The following SHISA6 variants were observed in gnomAD, a reference collection of about 807,000 sequenced individuals.
The protein encoded by SHISA6 is protein shisa-6.
A neutral mutation model predicts 47.9 loss-of-function variants in SHISA6; 22 were observed. The ratio of observed to expected loss-of-function variants is 0.46; its 90% CI spans 0.33 to 0.66. SHISA6 has a LOEUF of 0.66. Among genes scored for constraint, SHISA6 ranks in the 30% least tolerant of loss-of-function variants. SHISA6 has a pLI of 0.02. For missense variants in SHISA6, 680 were observed against 764.6 expected (o/e 0.89, Z 1.30); for synonymous variants, 388 against 337.8 (o/e 1.15, Z -1.63).
chr17:11,336,259 T>C (rs1447074253), intron 2 of SHISA6, among the ~76,000 whole-genome samples: 1 of 152,110 alleles, frequency 6.6e-6, no homozygotes, highest in Non-Finnish European at 1.5e-5. Context: ...AAATGTTAGC[T>C]AAGTCCATAA....
At chr17:11,506,130 G>T (rs1450621190) in intron 3 of SHISA6, among the ~76,000 whole-genome samples, 2 of 152,216 alleles carry the variant, frequency 1.3e-5, no homozygotes, top group African/African-American at 2.4e-5. Flanking sequence ...TGATATTCAT[G>T]AAGCTGATGA....
At chr17:11,431,769 G>A (rs1914783773) in intron 3 of SHISA6, among the ~76,000 whole-genome samples, 1 of 152,186 alleles carries the variant, frequency 6.6e-6, no homozygotes, top group Non-Finnish European at 1.5e-5. Context: ...TTGAAAGGTA[G>A]ACTTAGGTAT....
intron 3 of SHISA6, among the ~76,000 whole-genome samples, chr17:11,531,915 T>G (rs538469426): frequency 5.9e-5 from 9 of 152,352 alleles, no homozygotes; most frequent in Non-Finnish European, 1.2e-4. Context: ...CATTCCACAA[T>G]GTACACATGT....
intron 2 of SHISA6, among the ~76,000 whole-genome samples, chr17:11,323,523 G>A (rs7225061): frequency 0.18 from 27,580 of 151,722 alleles, 2,598 homozygotes; most frequent in Middle Eastern, 0.24. Context: ...ACGTGGTGGC[G>A]CATGCCTGTA....
chr17:11,431,224 T>C (rs1042555214), intron 3 of SHISA6, among the ~76,000 whole-genome samples: 3 of 152,176 alleles, frequency 2.0e-5, no homozygotes, highest in African/African-American at 7.2e-5. Context: ...CACTGAGGAT[T>C]GTACTTCCTC....
intron 2 of SHISA6, among the ~76,000 whole-genome samples, chr17:11,336,283 A>G (rs7208347): frequency 0.037 from 5,597 of 152,198 alleles, 244 homozygotes; most frequent in African/African-American, 0.096. Context: ...TGTTTATTTT[A>G]TGGCTCTGAT....
At chr17:11,245,444 C>T (rs974549434) in intron 1 of SHISA6, among the ~76,000 whole-genome samples, 9 of 152,200 alleles carry the variant, frequency 5.9e-5, no homozygotes, top group Non-Finnish European at 7.3e-5. Flanking sequence ...CTGGGAGGGC[C>T]GCCAAGGGCA....
chr17:11,448,211 C>T (rs1056605070), intron 3 of SHISA6, among the ~76,000 whole-genome samples: 1 of 142,628 alleles, frequency 7.0e-6, no homozygotes, highest in Non-Finnish European at 1.5e-5. Context: ...CTCACAAGTG[C>T]TCTTTGGGGC....
chr17:11,350,596 T>A (rs1911855892), intron 2 of SHISA6, among the ~76,000 whole-genome samples: 2 of 152,146 alleles, frequency 1.3e-5, no homozygotes, highest in South Asian at 4.1e-4. Flanking sequence ...CTATCCCCTC[T>A]TCCCTCAGTC....
chr17:11,427,114 C>T (rs926796154), intron 3 of SHISA6, among the ~76,000 whole-genome samples: 2 of 152,076 alleles, frequency 1.3e-5, no homozygotes, highest in African/African-American at 2.4e-5. Context: ...AGAACAACCC[C>T]TCTTTCGTAT....
intron 3 of SHISA6, among the ~76,000 whole-genome samples, chr17:11,423,242 T>TATATATATATATA: frequency 6.9e-6 from 1 of 145,516 alleles, no homozygotes; most frequent in South Asian, 2.2e-4. Flanking sequence ...TGTGTGTGTA[T>TATATATATATATA]ATATATATAT....
chr17:11,516,469 A>G (rs1373619148), intron 3 of SHISA6, among the ~76,000 whole-genome samples: 1 of 152,218 alleles, frequency 6.6e-6, no homozygotes, highest in African/African-American at 2.4e-5. Flanking sequence ...CCAAATGAAC[A>G]TAACAGCACC....
At chr17:11,418,853 A>T (rs4792135) in intron 3 of SHISA6, among the ~76,000 whole-genome samples, 3,679 of 152,158 alleles carry the variant, frequency 0.024, 147 homozygotes, top group African/African-American at 0.083. Flanking sequence ...GTCTGTGGAG[A>T]TCATTTTATT....
At chr17:11,516,793 G>T (rs140832748) in intron 3 of SHISA6, among the ~76,000 whole-genome samples, 1 of 152,182 alleles carries the variant, frequency 6.6e-6, no homozygotes, top group Non-Finnish European at 1.5e-5. Context: ...CCTGGCCATG[G>T]ATAGTCTCTG....
chr17:11,358,200 C>T (rs1211528074), intron 2 of SHISA6, among the ~76,000 whole-genome samples: 2 of 152,120 alleles, frequency 1.3e-5, no homozygotes, highest in Non-Finnish European at 2.9e-5. Flanking sequence ...TTCGCTTCTC[C>T]CCACAGCTCC....
chr17:11,524,911 G>A (rs183736979), intron 3 of SHISA6, among the ~76,000 whole-genome samples: 4 of 152,228 alleles, frequency 2.6e-5, no homozygotes, highest in East Asian at 3.9e-4. Context: ...AGATTATCTC[G>A]CTGTATTTTT....
At chr17:11,245,549 T>A (rs1907543066) in intron 1 of SHISA6, among the ~76,000 whole-genome samples, 1 of 152,162 alleles carries the variant, frequency 6.6e-6, no homozygotes, top group South Asian at 2.1e-4. Flanking sequence ...TCCTTCCTCC[T>A]CACCCTGAGT....
intron 3 of SHISA6, among the ~76,000 whole-genome samples, chr17:11,539,585 A>G (rs1412256912): frequency 6.6e-6 from 1 of 152,234 alleles, no homozygotes; most frequent in Admixed American, 6.5e-5. Context: ...CAGCTTCTTC[A>G]GCCTTGGCTG....
intron 3 of SHISA6, among the ~76,000 whole-genome samples, chr17:11,460,832 C>T (rs954212468): frequency 7.2e-5 from 11 of 152,186 alleles, no homozygotes; most frequent in Non-Finnish European, 2.9e-5. Flanking sequence ...TGCCACTGGC[C>T]CCAGGGCCTA....
Sources: gnomAD v4.1 joint callset for allele counts (sites outside exome capture counted in the v4.1 genomes callset) on GRCh38, gnomAD v4.1.1 for gene constraint, MANE v1.5 for transcripts, NCBI Gene and HGNC (gene_info 2026-07-23, HGNC 2026-07-21) for gene names.